The following HECW1 variants were observed in gnomAD, a reference collection of about 807,000 sequenced individuals.
The protein encoded by HECW1 is E3 ubiquitin-protein ligase HECW1.
In HECW1, 61 loss-of-function variants were observed where a neutral mutation model predicts 182.3. The ratio of observed to expected loss-of-function variants is 0.33; its 90% CI spans 0.27 to 0.41. HECW1 has a LOEUF of 0.41. Among genes scored for constraint, HECW1 ranks in the 10% least tolerant of loss-of-function variants. The pLI is 1.00. For synonymous variants in HECW1, 859 were observed against 832.6 expected (o/e 1.03, Z -0.55); for missense variants, 1,739 against 2,108.9 (o/e 0.82, Z 3.44).
At chr7:43,304,207 C>T (rs1807233516) in intron 3 of HECW1, among the ~76,000 whole-genome samples, 1 of 152,100 alleles carries the variant, frequency 6.6e-6, no homozygotes, top group African/African-American at 2.4e-5. Flanking sequence ...CCTGGCCTGT[C>T]TCCAAACCCT....
chr7:43,185,535 G>A (rs946232188), intron 2 of HECW1, among the ~76,000 whole-genome samples: 3 of 152,142 alleles, frequency 2.0e-5, no homozygotes, highest in African/African-American at 7.2e-5. Context: ...GAATTGAATC[G>A]GAGGACACCC....
At chr7:43,213,439 A>ATTTTTTT (rs35199868) in intron 2 of HECW1, among the ~76,000 whole-genome samples, 1 of 92,482 alleles carries the variant, frequency 1.1e-5, no homozygotes, top group Non-Finnish European at 2.2e-5. Flanking sequence ...GATCATAAGA[A>ATTTTTTT]TTTTTTTTTT....
At chr7:43,518,356 C>T (rs2080266845) in intron 24 of HECW1, among the ~76,000 whole-genome samples, 1 of 151,922 alleles carries the variant, frequency 6.6e-6, no homozygotes, top group African/African-American at 2.4e-5. Context: ...ATTAACCAGG[C>T]CTAGTGGCAC....
chr7:43,181,654 T>A (rs1304107431), intron 2 of HECW1, among the ~76,000 whole-genome samples: 1 of 150,986 alleles, frequency 6.6e-6, no homozygotes, highest in Non-Finnish European at 1.5e-5. Flanking sequence ...TCTATTCAGA[T>A]CTTTTGTTCA....
intron 3 of HECW1, among the ~76,000 whole-genome samples, chr7:43,250,911 C>T (rs528502982): frequency 2.8e-4 from 43 of 152,312 alleles, no homozygotes; most frequent in African/African-American, 9.6e-4. Flanking sequence ...CCTGTTAGGC[C>T]GGAGGGCATA....
chr7:43,222,851 A>C, intron 2 of HECW1, among the ~76,000 whole-genome samples: 1 of 151,248 alleles, frequency 6.6e-6, no homozygotes, highest in African/African-American at 2.4e-5. Flanking sequence ...TCCTGTCTCC[A>C]CTCCCTGCCC....
chr7:43,228,266 A>C (rs548207839), intron 2 of HECW1, among the ~76,000 whole-genome samples: 1 of 152,120 alleles, frequency 6.6e-6, no homozygotes, highest in African/African-American at 2.4e-5. Context: ...CAGGGGAATC[A>C]CTTGAGTCTA....
chr7:43,144,032 G>C (rs1367711575), intron 2 of HECW1, among the ~76,000 whole-genome samples: 1 of 152,186 alleles, frequency 6.6e-6, no homozygotes, highest in Admixed American at 6.5e-5. Context: ...AGTCTGGCAT[G>C]TTCCAGGATC....
chr7:43,475,786 C>A (rs1263705910), intron 16 of HECW1, among the ~76,000 whole-genome samples: 3 of 152,286 alleles, frequency 2.0e-5, no homozygotes, highest in African/African-American at 7.2e-5. Flanking sequence ...TAGTCTCAAA[C>A]TCCCAAGCTC....
Position 43,426,455 on chromosome 7 carries a change from G to A in HECW1, c.802-11548G>A, listed in dbSNP as rs1255011062. Reference sequence around the variant, plus strand: ...AAGGGTCTCTTGATTTCACAGGAGGGATCATATGGATAGCACTTGGCCTGG... The same window carrying A: ...AAGGGTCTCTTGATTTCACAGGAGGAATCATATGGATAGCACTTGGCCTGG... On this transcript the variant is annotated intron_variant, in intron 8 of 29. Coordinates refer to ENST00000395891, the MANE Select transcript of HECW1 (RefSeq NM_015052.5). Among the ~76,000 whole-genome samples, 3 of 152,228 alleles carry A rather than the reference G, an allele frequency of 2.0e-5. No individual in the cohort carries two copies. The East Asian group carries it at 5.8e-4, about 29-fold the overall frequency.
At chr7:43,155,724 G>A (rs988566666) in intron 2 of HECW1, among the ~76,000 whole-genome samples, 2 of 152,136 alleles carry the variant, frequency 1.3e-5, no homozygotes, top group Admixed American at 1.3e-4. Flanking sequence ...AAAACCTGGC[G>A]AGCATTTATC....
chr7:43,535,660 T>C (rs2081154161), intron 24 of HECW1, among the ~76,000 whole-genome samples: 1 of 152,154 alleles, frequency 6.6e-6, no homozygotes, highest in African/African-American at 2.4e-5. Context: ...TAAAGGATAA[T>C]GAAAACCACT....
At chr7:43,304,401 T>C (rs575559478) in intron 3 of HECW1, among the ~76,000 whole-genome samples, 1 of 152,326 alleles carries the variant, frequency 6.6e-6, no homozygotes, top group Admixed American at 6.5e-5. Context: ...CAGAGCCCCA[T>C]GTCCAGGTGC....
At position 43,565,768 on chromosome 7, in the gene HECW1, T is replaced by C. The variant is rs1175029381; in HGVS notation, c.*3842T>C. The stretch of plus-strand genomic sequence containing the variant: ...GGAAAAAAGGTGCCTAGAGGTAGTA[T>C]ATAGAGTAAATATTGTTCCTTTAGC... On this transcript the variant is annotated 3_prime_UTR_variant, in exon 30 of 30. Coordinates refer to ENST00000395891, the MANE Select transcript of HECW1 (RefSeq NM_015052.5). 2 of 185,118 alleles carry C rather than the reference T, an allele frequency of 1.1e-5. No individual in the cohort carries two copies. Among genetic ancestry groups the C allele is most frequent in the Non-Finnish European group, 2.3e-5 (2 of 87,452 alleles). The allele number at this position is 185,118 out of a possible 1,614,324, so 11.5% of individuals were successfully genotyped here. A position where few individuals can be genotyped will look rare whatever the true frequency, so the allele number is the denominator to read the frequency against.
In HECW1 at chr7:43,509,096, G is replaced by T; in HGVS notation, c.3994G>T (p.Ala1332Ser). 2 of 1,613,954 alleles carry T rather than the reference G, an allele frequency of 1.2e-6. No individual in the cohort carries two copies. The highest frequency in any genetic ancestry group is 1.7e-6 in the Non-Finnish European group (2 of 1,179,924). Residue 1332 changes from alanine to serine, a missense_variant, in exon 24 of 30, where the codon GCA (alanine) becomes TCA (serine). This residue lies in a region of HECW1 where 420 missense variants were observed against 595.7 expected (regional missense o/e 0.71). Transcript: ENST00000395891. ...CACGGTGCAGATCAGCCCCATGTCC[G>T]CATTTGTAGAAAACCATCTTGAGTG... ...TYTVQISPMS[A>S]FVENHLEWFR...
intron 3 of HECW1, among the ~76,000 whole-genome samples, chr7:43,295,647 G>T (rs1177352401): frequency 1.3e-5 from 2 of 152,144 alleles, no homozygotes; most frequent in Non-Finnish European, 2.9e-5. Context: ...GGTGGAGGAG[G>T]GGCTGGTGGC....
intron 6 of HECW1, among the ~76,000 whole-genome samples, chr7:43,379,554 C>T (rs1293363146): frequency 6.6e-6 from 1 of 152,140 alleles, no homozygotes; most frequent in Non-Finnish European, 1.5e-5. Context: ...GCTTTTTCAC[C>T]ATCATTCCTG....
intron 3 of HECW1, among the ~76,000 whole-genome samples, chr7:43,252,434 C>A (rs1329346928): frequency 6.6e-6 from 1 of 152,218 alleles, no homozygotes; most frequent in Non-Finnish European, 1.5e-5. Context: ...AAAAAGTAAA[C>A]TCCAGAGCCC....
chr7:43,372,473 CTCG>C (rs1414550469), intron 6 of HECW1, among the ~76,000 whole-genome samples: 2 of 151,996 alleles, frequency 1.3e-5, no homozygotes, highest in East Asian at 1.9e-4. Context: ...CACCCATTAA[CTCG>C]TCGTTTTCAT....
Sources: gnomAD v4.1 joint callset for allele counts (sites outside exome capture counted in the v4.1 genomes callset) on GRCh38, gnomAD v4.1.1 for gene constraint, gnomAD v4.1.1 regional missense constraint, MANE v1.5 for transcripts, NCBI Gene and HGNC (gene_info 2026-07-23, HGNC 2026-07-21) for gene names.